The following GPR158 variants were observed in gnomAD, a reference collection of about 807,000 sequenced individuals.
The protein encoded by GPR158 is metabotropic glycine receptor.
GPR158 carries 30 observed loss-of-function variants against 78.2 expected under a neutral mutation model. That is an observed-to-expected ratio of 0.38 (90% CI 0.29 to 0.52). The LOEUF is 0.52. Ranked by LOEUF, GPR158 falls within the 20% of genes least tolerant of loss-of-function variation. The probability of loss-of-function intolerance (pLI) is 0.83; values close to 1 mark genes in which losing one functional copy is unlikely to be tolerated. For synonymous variants in GPR158, 581 were observed against 591.1 expected, an observed-to-expected ratio of 0.98 and a Z score of 0.25; for missense variants, 1,463 against 1,523.5, an observed-to-expected ratio of 0.96 and a Z score of 0.66.
chr10:25,568,999 A>T (rs1427340571), intron 6 of GPR158, among the ~76,000 whole-genome samples: 1 of 152,172 alleles, frequency 6.6e-6, no homozygotes, highest in African/African-American at 2.4e-5. Flanking sequence ...TCTGACCTCT[A>T]GGCTTCTTTT....
At chr10:25,507,389 G>T (rs189958705) in intron 5 of GPR158, among the ~76,000 whole-genome samples, 3 of 152,308 alleles carry the variant, frequency 2.0e-5, no homozygotes, top group Admixed American at 2.0e-4. Context: ...ATTCAGAGAT[G>T]TTTCTGTCTG....
chr10:25,467,564 C>T (rs1467443175), intron 5 of GPR158, among the ~76,000 whole-genome samples: 3 of 152,106 alleles, frequency 2.0e-5, no homozygotes, highest in African/African-American at 7.2e-5. Flanking sequence ...GAAAGTAACT[C>T]ATGAGATAGA....
At chr10:25,583,096 G>C (rs1015936182) in intron 7 of GPR158, among the ~76,000 whole-genome samples, 1 of 152,174 alleles carries the variant, frequency 6.6e-6, no homozygotes, top group Admixed American at 6.5e-5. Context: ...GAGAACGGAG[G>C]TTCTCTGCAG....
chr10:25,314,655 T>A (rs895630940), intron 2 of GPR158, among the ~76,000 whole-genome samples: 5 of 151,482 alleles, frequency 3.3e-5, no homozygotes, highest in African/African-American at 1.2e-4. Flanking sequence ...TTGTTTTTTT[T>A]TTAGCTTTTG....
At chr10:25,527,994 A>T (rs1048015098) in intron 5 of GPR158, among the ~76,000 whole-genome samples, 1 of 152,088 alleles carries the variant, frequency 6.6e-6, no homozygotes, top group African/African-American at 2.4e-5. Context: ...GACAGAAGAG[A>T]TAGGAAATTT....
chr10:25,367,960 C>T (rs1833917372), intron 2 of GPR158, among the ~76,000 whole-genome samples: 1 of 151,840 alleles, frequency 6.6e-6, no homozygotes, highest in Non-Finnish European at 1.5e-5. Flanking sequence ...TTCCAATTGC[C>T]TGAGGGCTGC....
intron 2 of GPR158, among the ~76,000 whole-genome samples, chr10:25,261,312 A>G (rs1478689209): frequency 6.6e-6 from 1 of 152,158 alleles, no homozygotes; most frequent in Admixed American, 6.6e-5. Context: ...CTGAGGCCAG[A>G]TGTTCACATT....
intron 4 of GPR158, among the ~76,000 whole-genome samples, chr10:25,464,601 G>T (rs779618788): frequency 2.6e-5 from 4 of 152,142 alleles, no homozygotes; most frequent in Non-Finnish European, 4.4e-5. Context: ...TGAGACCATT[G>T]AAGTTCCAGG....
intron 2 of GPR158, among the ~76,000 whole-genome samples, chr10:25,380,915 A>G (rs1834145730): frequency 6.6e-6 from 1 of 152,220 alleles, no homozygotes; most frequent in Admixed American, 6.5e-5. Flanking sequence ...TTGGAGAGTA[A>G]GGAAAAGTAA....
chr10:25,550,061 G>T (rs1836708667), intron 5 of GPR158, among the ~76,000 whole-genome samples: 1 of 152,074 alleles, frequency 6.6e-6, no homozygotes, highest in Non-Finnish European at 1.5e-5. Flanking sequence ...TATTCTACAA[G>T]GACTCACTCA....
At chr10:25,443,484 G>A (rs778652367) in intron 4 of GPR158, among the ~76,000 whole-genome samples, 1 of 151,222 alleles carries the variant, frequency 6.6e-6, no homozygotes, top group Non-Finnish European at 1.5e-5. Flanking sequence ...GAACCTGGGA[G>A]GCAGAAGTTA....
intron 3 of GPR158, among the ~76,000 whole-genome samples, chr10:25,401,918 C>T (rs1161412053): frequency 6.6e-6 from 1 of 152,042 alleles, no homozygotes; most frequent in Non-Finnish European, 1.5e-5. Context: ...ACATTCAGAA[C>T]ATATTCCTAC....
At chr10:25,187,980 A>G (rs972637582) in intron 1 of GPR158, among the ~76,000 whole-genome samples, 63 of 152,336 alleles carry the variant, frequency 4.1e-4, no homozygotes, top group African/African-American at 1.3e-3. Context: ...GCATTCCTAT[A>G]CACCAATAAC....
chr10:25,481,075 T>G (rs1835658813), intron 5 of GPR158, among the ~76,000 whole-genome samples: 1 of 152,126 alleles, frequency 6.6e-6, no homozygotes, highest in African/African-American at 2.4e-5. Context: ...CAGAAGCGGT[T>G]TATTACTTAC....
At chr10:25,425,462 A>G (rs1958948) in intron 4 of GPR158, among the ~76,000 whole-genome samples, 18,351 of 151,898 alleles carry the variant, frequency 0.12, 1,143 homozygotes, top group East Asian at 0.17. Flanking sequence ...TTCATCGGCC[A>G]TTTGTATATC....
intron 2 of GPR158, among the ~76,000 whole-genome samples, chr10:25,337,246 A>G (rs1200865510): frequency 6.6e-6 from 1 of 152,096 alleles, no homozygotes; most frequent in Non-Finnish European, 1.5e-5. Context: ...GAACACACCC[A>G]TGTAAACCAC....
At chr10:25,416,683 G>A (rs1370124966) in intron 4 of GPR158, among the ~76,000 whole-genome samples, 1 of 152,084 alleles carries the variant, frequency 6.6e-6, no homozygotes, top group African/African-American at 2.4e-5. Flanking sequence ...TTTTAATTTA[G>A]CAAGTTGAAA....
At chr10:25,451,003 T>G (rs1416387241) in intron 4 of GPR158, among the ~76,000 whole-genome samples, 1 of 152,142 alleles carries the variant, frequency 6.6e-6, no homozygotes, top group Non-Finnish European at 1.5e-5. Flanking sequence ...TTCAAATAGC[T>G]AAATATCACA....
At chr10:25,351,310 G>C (rs1855467082) in intron 2 of GPR158, among the ~76,000 whole-genome samples, 1 of 151,952 alleles carries the variant, frequency 6.6e-6, no homozygotes, top group Non-Finnish European at 1.5e-5. Context: ...ACAGACTTAG[G>C]GAGTGCGGGT....
Sources: gnomAD v4.1 joint callset for allele counts (sites outside exome capture counted in the v4.1 genomes callset) on GRCh38, gnomAD v4.1.1 for gene constraint, MANE v1.5 for transcripts, NCBI Gene and HGNC (gene_info 2026-07-23, HGNC 2026-07-21) for gene names.